The following RNFT2 variants were observed in gnomAD, a reference collection of about 807,000 sequenced individuals.
RNFT2 encodes E3 ubiquitin-protein ligase RNFT2.
In RNFT2, 36 loss-of-function variants were observed where a neutral mutation model predicts 53.0. That is an observed-to-expected ratio of 0.68 (90% CI 0.52 to 0.90). The LOEUF (loss-of-function observed/expected upper bound fraction) is 0.90. Ranked by LOEUF, RNFT2 falls within the 40% of genes least tolerant of loss-of-function variation. The pLI, the probability that RNFT2 is intolerant of heterozygous loss-of-function variation, is 0.00. For missense variants in RNFT2, 514 were observed against 585.6 expected, an observed-to-expected ratio of 0.88 and a Z score of 1.26; for synonymous variants, 260 against 253.2, an observed-to-expected ratio of 1.03 and a Z score of -0.26.
Position 116,849,726 on chromosome 12 carries a change from A to T in RNFT2, c.*278A>T. On this transcript the variant is annotated 3_prime_UTR_variant, in exon 11 of 11. Transcript: ENST00000257575. The stretch of plus-strand genomic sequence containing the variant: ...AGATGCATCTTCCTTCTCCACTCCA[A>T]GTCAAGGACCTGGCAATACATGAAG... 1 of 1,201,906 alleles carries T rather than the reference A, an allele frequency of 8.3e-7. No homozygotes were observed. The highest frequency in any genetic ancestry group is 3.5e-5 in the East Asian group (1 of 28,760). The allele number at this position is 1,201,906 out of a possible 1,614,324, so 74.5% of individuals were successfully genotyped here. A position where few individuals can be genotyped will look rare whatever the true frequency, so the allele number is the denominator to read the frequency against.
rs1332592700 is a variant in RNFT2 at position 116,851,947 on chromosome 12, T to C, written c.*2499T>C. ...GACATTGCCATCCCCTCTGGTAGCC[T>C]TCAGAGCAAACAGGACAACCTATGT... On this transcript the variant is annotated 3_prime_UTR_variant, in exon 11 of 11. Transcript: ENST00000257575. The C allele has an allele frequency of 3.3e-6, 5 of 1,527,322 alleles. No individual in the cohort carries two copies. The highest frequency in any genetic ancestry group is 3.4e-4 in the Middle Eastern group (2 of 5,928). 94.6% of individuals were successfully genotyped at this position (1,527,322 alleles called of 1,614,324 possible). A position where few individuals can be genotyped will look rare whatever the true frequency, so the allele number is the denominator to read the frequency against.
intron 7 of RNFT2, among the ~76,000 whole-genome samples, chr12:116,779,972 G>T (rs556540354): frequency 6.6e-6 from 1 of 151,820 alleles, no homozygotes; most frequent in African/African-American, 2.4e-5. Context: ...CAGTGGCTCT[G>T]TAAGGTGACC....
intron 7 of RNFT2, among the ~76,000 whole-genome samples, chr12:116,820,117 G>A (rs932742285): frequency 6.6e-6 from 1 of 152,156 alleles, no homozygotes; most frequent in African/African-American, 2.4e-5. Context: ...TTTAAAGACA[G>A]TCTTACTGTG....
chr12:116,801,734 CTA>C (rs1057309035), intron 7 of RNFT2, among the ~76,000 whole-genome samples: 2 of 152,166 alleles, frequency 1.3e-5, no homozygotes, highest in African/African-American at 2.4e-5. Context: ...GTTTTTCAAA[CTA>C]TGTTTCTGGG....
At chr12:116,774,735 G>A (rs892042776) in intron 6 of RNFT2, among the ~76,000 whole-genome samples, 33 of 141,424 alleles carry the variant, frequency 2.3e-4, no homozygotes, top group Non-Finnish European at 1.7e-4. Context: ...GATCTCATAC[G>A]CCGCATTCAG....
At chr12:116,836,828 G>A (rs1271844125) in intron 10 of RNFT2, among the ~76,000 whole-genome samples, 1 of 152,086 alleles carries the variant, frequency 6.6e-6, no homozygotes, top group African/African-American at 2.4e-5. Flanking sequence ...TACTCTGGAA[G>A]CTGAGGCAGG....
intron 7 of RNFT2, among the ~76,000 whole-genome samples, chr12:116,822,407 C>A (rs1304748532): frequency 6.6e-6 from 1 of 152,096 alleles, no homozygotes; most frequent in Non-Finnish European, 1.5e-5. Flanking sequence ...CTGCCAGTGG[C>A]CATCTTTCCT....
intron 6 of RNFT2, among the ~76,000 whole-genome samples, chr12:116,771,331 G>A (rs1436748620): frequency 6.6e-6 from 1 of 151,506 alleles, no homozygotes; most frequent in Non-Finnish European, 1.5e-5. Flanking sequence ...ATGGTGGCGT[G>A]CACCTATAGT....
chr12:116,751,801 C>G (rs1566070060), intron 4 of RNFT2, among the ~76,000 whole-genome samples: 1 of 151,850 alleles, frequency 6.6e-6, no homozygotes, highest in Non-Finnish European at 1.5e-5. Flanking sequence ...ACTCTGTCAC[C>G]AGGCTGGAGT....
intron 10 of RNFT2, among the ~76,000 whole-genome samples, chr12:116,846,519 G>A (rs1287284492): frequency 2.7e-5 from 4 of 148,704 alleles, no homozygotes; most frequent in Non-Finnish European, 5.9e-5. Flanking sequence ...CAAACTCCTG[G>A]CCTCGAGCCA....
At chr12:116,756,173 A>C (rs750538512) in intron 5 of RNFT2, among the ~76,000 whole-genome samples, 45 of 152,060 alleles carry the variant, frequency 3.0e-4, no homozygotes, top group Non-Finnish European at 5.0e-4. Context: ...TCATTTTCAC[A>C]GTATTGATTC....
Position 116,840,148 on chromosome 12 carries a change from C to T in RNFT2, c.1200+3866C>T, listed in dbSNP as rs1592990202. On this transcript the variant is annotated intron_variant, in intron 10 of 10. Transcript: ENST00000257575. ...TGAACTGTCCTCCAATTCTTGGTCA[C>T]TATGAGTTTGGTTTTTTGCATGTTT... is the stretch of plus-strand genomic sequence containing the variant. Among the ~76,000 whole-genome samples, 3 of 152,170 alleles carry T rather than the reference C, an allele frequency of 2.0e-5. No individual in the cohort carries two copies. In the East Asian group the frequency reaches 5.8e-4, roughly 29 times the overall value.
At position 116,750,901 on chromosome 12, in the gene RNFT2, TATATATA is replaced by T. The variant is rs1566069606; in HGVS notation, c.550+595_550+601del. ...ATATATTATATATATAATATATATA[TATATATA>T]TTTTTTTTTGAGACAGGGTCTTGCT... On this transcript the variant is annotated intron_variant, in intron 4 of 10. Transcript: ENST00000257575. Among the ~76,000 whole-genome samples, 44 of 14,990 alleles carry T rather than the reference TATATATA, an allele frequency of 2.9e-3. 3 individuals are homozygous for T. Among genetic ancestry groups the T allele is most frequent in the Non-Finnish European group, 4.0e-3 (23 of 5,808 alleles). 9.8% of individuals were successfully genotyped at this position (14,990 alleles called of 152,430 possible).
chr12:116,769,576 T>A (rs1873082416), intron 6 of RNFT2, among the ~76,000 whole-genome samples: 1 of 152,158 alleles, frequency 6.6e-6, no homozygotes, highest in Non-Finnish European at 1.5e-5. Context: ...AGGAAAAACC[T>A]TATAGAATAA....
At chr12:116,786,469 A>G (rs1384842320) in intron 7 of RNFT2, among the ~76,000 whole-genome samples, 3 of 152,130 alleles carry the variant, frequency 2.0e-5, no homozygotes, top group Admixed American at 6.5e-5. Context: ...GGATGACAGC[A>G]CAGGTCTTTA....
chr12:116,849,543 T>C lies in RNFT2; in HGVS notation c.*95T>C. ...TCCTGAGAAACAGGCCTCAAGCACT[T>C]ACATCCTGCCTCTTGCCCTCCACCA... On this transcript the variant is annotated 3_prime_UTR_variant, in exon 11 of 11. Coordinates refer to ENST00000257575, the MANE Select transcript of RNFT2 (RefSeq NM_001382266.1). 6.9e-7 allele frequency: 1 copy of C among 1,456,820 alleles called. No individual in the cohort carries two copies. Among genetic ancestry groups the C allele is most frequent in the African/African-American group, 1.4e-5 (1 of 71,434 alleles). The allele number at this position is 1,456,820 out of a possible 1,614,324, so 90.2% of individuals were successfully genotyped here. A position where few individuals can be genotyped will look rare whatever the true frequency, so the allele number is the denominator to read the frequency against.
chr12:116,809,968 C>T (rs889129585), intron 7 of RNFT2, among the ~76,000 whole-genome samples: 4 of 152,172 alleles, frequency 2.6e-5, no homozygotes, highest in South Asian at 2.1e-4. Flanking sequence ...AGCCACCGTG[C>T]CTAGGCCAGA....
chr12:116,767,881 C>A (rs1244985950), intron 6 of RNFT2, among the ~76,000 whole-genome samples: 24 of 152,006 alleles, frequency 1.6e-4, no homozygotes, highest in Non-Finnish European at 5.9e-5. Flanking sequence ...CCTGGTTTTA[C>A]ATTCTTTTTT....
chr12:116,799,814 C>T (rs754325543), intron 7 of RNFT2, among the ~76,000 whole-genome samples: 2 of 152,046 alleles, frequency 1.3e-5, no homozygotes, highest in African/African-American at 2.4e-5. Flanking sequence ...AAATGATGGC[C>T]TGGATAATTA....
Sources: gnomAD v4.1 joint callset for allele counts (sites outside exome capture counted in the v4.1 genomes callset) on GRCh38, gnomAD v4.1.1 for gene constraint, MANE v1.5 for transcripts, NCBI Gene and HGNC (gene_info 2026-07-23, HGNC 2026-07-21) for gene names.